The following GNAL variants were observed in gnomAD, a reference collection of about 807,000 sequenced individuals.
GNAL encodes guanine nucleotide-binding protein G(olf) subunit alpha.
In GNAL, 18 loss-of-function variants were observed where a neutral mutation model predicts 55.1. The observed-to-expected ratio is 0.33, with a 90% CI of 0.23 to 0.48. The LOEUF is 0.48. Ranked by LOEUF, GNAL falls within the 20% of genes least tolerant of loss-of-function variation. The pLI, the probability that GNAL is intolerant of heterozygous loss-of-function variation, is 0.99. For synonymous variants in GNAL, 253 were observed against 237.0 expected, an observed-to-expected ratio of 1.07 and a Z score of -0.62; for missense variants, 412 against 614.1, an observed-to-expected ratio of 0.67 and a Z score of 3.48.
intron 5 of GNAL, among the ~76,000 whole-genome samples, chr18:11,862,091 G>C (rs1226574091): frequency 2.0e-5 from 3 of 151,844 alleles, no homozygotes; most frequent in African/African-American, 7.3e-5. Flanking sequence ...TGGACGGGAG[G>C]CTCCATGCTC....
chr18:11,735,698 T>G (rs1598419354), intron 1 of GNAL, among the ~76,000 whole-genome samples: 1 of 148,538 alleles, frequency 6.7e-6, no homozygotes, highest in Non-Finnish European at 1.5e-5. Flanking sequence ...GAGTTTGCAG[T>G]GAGCCGAGAT....
chr18:11,881,182 A>C lies in GNAL; in HGVS notation c.*47A>C, dbSNP rs763858886. The C allele has an allele frequency of 9.1e-6, 14 of 1,542,642 alleles. No individual in the cohort carries two copies. The highest frequency in any genetic ancestry group is 1.9e-5 in the Admixed American group (1 of 53,492). ...ACGGAGCGGCGCCCCGGACTGCCTGACTGCCAGCCCCATGCCATGGTAGGA... is the reference window on the plus strand; with the variant it reads ...ACGGAGCGGCGCCCCGGACTGCCTGCCTGCCAGCCCCATGCCATGGTAGGA... On this transcript the variant is annotated 3_prime_UTR_variant, in exon 12 of 12. Transcript: ENST00000334049. The surrounding 1 kb of genome is among the most constrained non-coding windows in gnomAD (Gnocchi z 4.8).
chr18:11,875,403 C>G (rs112371184), intron 10 of GNAL, among the ~76,000 whole-genome samples: 1 of 152,164 alleles, frequency 6.6e-6, no homozygotes, highest in Non-Finnish European at 1.5e-5. Context: ...TGTCCCTAAC[C>G]AAATCTTTTG....
In GNAL at chr18:11,853,529, C is replaced by T. The variant is rs1191012333; in HGVS notation, c.723-8866C>T. 4.2e-5 allele frequency: 7 copies of T among 166,848 alleles called. No individual in the cohort carries two copies. In the East Asian group the frequency reaches 1.3e-3, roughly 32 times the overall value. The allele number at this position is 166,848 out of a possible 1,614,324, so 10.3% of individuals were successfully genotyped here. ...TTTCCATAAGAGAATTCCATTGTTT[C>T]AGAAAATAATTATAGGGGCCCTTCC... On this transcript the variant is annotated intron_variant, in intron 5 of 11. Transcript: ENST00000334049.
chr18:11,833,952 G>T (rs1485170585), intron 5 of GNAL, among the ~76,000 whole-genome samples: 3 of 152,158 alleles, frequency 2.0e-5, no homozygotes, highest in Non-Finnish European at 4.4e-5. Context: ...CTGCTGTGTG[G>T]CCCCTCTGTT....
chr18:11,786,641 C>T (rs1452682679), intron 4 of GNAL, among the ~76,000 whole-genome samples: 5 of 147,902 alleles, frequency 3.4e-5, no homozygotes, highest in African/African-American at 5.0e-5. Flanking sequence ...TTAGTGGAGA[C>T]GGGCTTTCAC....
chr18:11,822,820 CTTTTTTTTT>C lies in GNAL; in HGVS notation c.625-2087_625-2079del, dbSNP rs56128456. Among the ~76,000 whole-genome samples, 3 of 139,774 alleles carry C rather than the reference CTTTTTTTTT, an allele frequency of 2.1e-5. No homozygotes were observed. In the East Asian group the frequency reaches 6.6e-4, roughly 31 times the overall value. The allele number at this position is 139,774 out of a possible 152,430, so 91.7% of individuals were successfully genotyped here. A position where few individuals can be genotyped will look rare whatever the true frequency, so the allele number is the denominator to read the frequency against. On this transcript the variant is annotated intron_variant, in intron 4 of 11. Transcript: ENST00000334049. ...CAATATTGTTTTTCTTTTTTTTTTT[CTTTTTTTTT>C]TTTTTTTTTTGACCAAATTTAGATT...
intron 1 of GNAL, among the ~76,000 whole-genome samples, chr18:11,704,899 T>C (rs1194533459): frequency 6.6e-6 from 1 of 152,112 alleles, no homozygotes; most frequent in African/African-American, 2.4e-5. Flanking sequence ...TGAGAGCATA[T>C]CCATCACCTC....
chr18:11,689,825 G>A lies in GNAL; in HGVS notation c.262G>A (p.Ala88Thr), dbSNP rs774289119. The part of the protein sequence containing the change: ...TEQLSAEERE[A>T]AKEREAVKEA... The stretch of plus-strand genomic sequence containing the variant: ...GCAGCTGAGTGCCGAGGAGCGCGAG[G>A]CGGCCAAGGAGCGCGAGGCGGTCAA... Residue 88 changes from alanine to threonine, a missense_variant, in exon 1 of 12, where the codon GCG (alanine) becomes ACG (threonine). This residue lies in a region of GNAL where 228 missense variants were observed against 194.8 expected (regional missense o/e 1.17). Transcript: ENST00000334049. 15 of 1,537,414 alleles carry A rather than the reference G, an allele frequency of 9.8e-6. No homozygotes were observed. Among genetic ancestry groups the A allele is most frequent in the East Asian group, 2.6e-5 (1 of 38,222 alleles).
In GNAL at chr18:11,868,346, TG is replaced by T. The variant is rs2036313281; in HGVS notation, c.911-193del. On this transcript the variant is annotated intron_variant, in intron 8 of 11. Transcript: ENST00000334049. This position sits in a 1 kb window ranked among gnomAD's most constrained non-coding sequence, Gnocchi z 4.0. ...GCATCCCAAATTTACATGTGTCTTT[TG>T]GGGTGGGCTCTTCATCAAGTGCGTT... is the stretch of plus-strand genomic sequence containing the variant. Among the ~76,000 whole-genome samples the T allele has an allele frequency of 6.6e-6, 1 of 152,022 alleles. No individual in the cohort carries two copies. The highest frequency in any genetic ancestry group is 2.1e-4 in the South Asian group (1 of 4,822).
At chr18:11,695,506 A>G (rs929256431) in intron 1 of GNAL, among the ~76,000 whole-genome samples, 1 of 152,226 alleles carries the variant, frequency 6.6e-6, no homozygotes, top group Non-Finnish European at 1.5e-5. Context: ...TGTGTTCACC[A>G]TTCTTCAGGT....
chr18:11,863,632 C>T (rs2036196722), intron 6 of GNAL, among the ~76,000 whole-genome samples: 1 of 152,078 alleles, frequency 6.6e-6, no homozygotes, highest in Non-Finnish European at 1.5e-5. Context: ...CTTAAAATCA[C>T]ATGGATTTGG....
chr18:11,779,959 T>C (rs1406062785), intron 4 of GNAL, among the ~76,000 whole-genome samples: 2 of 152,246 alleles, frequency 1.3e-5, no homozygotes, highest in Non-Finnish European at 2.9e-5. Flanking sequence ...CTTCTTCAGC[T>C]TACTGAGCCA....
In GNAL at chr18:11,876,666, T is replaced by A; in HGVS notation, c.1208T>A (p.Phe403Tyr). ...GEDPKVTRAK[F>Y]FIRDLFLRIS... ...GATCCCAAAGTTACAAGAGCCAAGT[T>A]CTTTATCCGGGACCTGTTTTTGGTA... The change falls in exon 11 of 12, where the codon TTC (phenylalanine) becomes TAC (tyrosine). Residue 403 changes from phenylalanine to tyrosine, a missense_variant. By Grantham distance (22) the Phe-to-Tyr change is conservative. This residue lies in a region of GNAL where 79 missense variants were observed against 127.1 expected (regional missense o/e 0.62). Coordinates refer to ENST00000334049, the MANE Select transcript of GNAL (RefSeq NM_182978.4). 3.1e-6 allele frequency: 5 copies of A among 1,606,086 alleles called. No homozygotes were observed. The highest frequency in any genetic ancestry group is 4.3e-6 in the Non-Finnish European group (5 of 1,172,612).
chr18:11,800,246 C>CATAG (rs112121065), intron 4 of GNAL, among the ~76,000 whole-genome samples: 132 of 151,946 alleles, frequency 8.7e-4, no homozygotes, highest in African/African-American at 2.8e-3. Context: ...ATAGATGGAA[C>CATAG]ATAGATAGAT....
chr18:11,737,681 A>G (rs1464504023), intron 1 of GNAL, among the ~76,000 whole-genome samples: 1 of 152,226 alleles, frequency 6.6e-6, no homozygotes, highest in East Asian at 1.9e-4. Context: ...GCACAGGGTC[A>G]TCTGACCAGA....
intron 1 of GNAL, among the ~76,000 whole-genome samples, chr18:11,726,901 G>C (rs2032223523): frequency 6.6e-6 from 1 of 151,206 alleles, no homozygotes; most frequent in Non-Finnish European, 1.5e-5. Context: ...GTGCTGGTTG[G>C]ACAGAATGGG....
intron 4 of GNAL, among the ~76,000 whole-genome samples, chr18:11,761,568 A>G (rs773683071): frequency 2.0e-5 from 3 of 152,192 alleles, no homozygotes; most frequent in Non-Finnish European, 4.4e-5. Context: ...TGGCCTTCTG[A>G]TCCTGTGGCT....
chr18:11,849,377 C>A (rs1280878103), intron 5 of GNAL, among the ~76,000 whole-genome samples: 1 of 152,086 alleles, frequency 6.6e-6, no homozygotes, highest in Non-Finnish European at 1.5e-5. Flanking sequence ...TGGCGTGTGC[C>A]TGTAATCTCA....
Sources: allele counts gnomAD v4.1 joint callset (sites outside exome capture counted in the v4.1 genomes callset), GRCh38; gene constraint gnomAD v4.1.1; regional missense constraint gnomAD v4.1.1; non-coding constraint Gnocchi (gnomAD v3.1); transcripts MANE v1.5; gene names NCBI Gene and HGNC (gene_info 2026-07-23, HGNC 2026-07-21).